Variants in CD2AP observed in about 807,000 individuals in gnomAD.
CD2AP encodes the protein CD2-associated protein.
A neutral mutation model predicts 85.1 loss-of-function variants in CD2AP; 46 were observed. The observed-to-expected ratio is 0.54, with a 90% CI of 0.43 to 0.69. CD2AP has a LOEUF of 0.69. Ranked by LOEUF, CD2AP falls within the 30% of genes least tolerant of loss-of-function variation. CD2AP has a pLI of 0.00. For missense variants in CD2AP, 769 were observed against 729.5 expected (o/e 1.05, Z -0.62); for synonymous variants, 255 against 252.9 (o/e 1.01, Z -0.08).
chr6:47,614,672 G>T (rs1769534131), intron 17 of CD2AP, among the ~76,000 whole-genome samples: 1 of 152,152 alleles, frequency 6.6e-6, no homozygotes, highest in Admixed American at 6.6e-5. Flanking sequence ...TTGGAAAAAT[G>T]GCATCAATAG....
Position 47,533,684 on chromosome 6 carries a change from A to G in CD2AP, c.248A>G (p.Gln83Arg), listed in dbSNP as rs1487716938. The G allele has an allele frequency of 6.2e-7, 1 of 1,614,178 alleles. No homozygotes were observed. Among genetic ancestry groups the G allele is most frequent in the African/African-American group, 1.3e-5 (1 of 75,062 alleles). The change falls in exon 3 of 18, where the codon CAA (glutamine) becomes CGA (arginine). Residue 83 changes from glutamine (Q) to arginine (R), a missense_variant. Physicochemically the swap from Gln to Arg is conservative, Grantham distance 43. Transcript: ENST00000359314. The stretch of plus-strand genomic sequence containing the variant: ...CATGGGAATGTAGCAAGTCTTGTAC[A>G]ACGAATAAGCACCTATGGACTTCCA... ...ERHGNVASLVQRISTYGLPAG... is the reference protein window; with the variant it reads ...ERHGNVASLVRRISTYGLPAG...
chr6:47,480,428 A>G (rs1252198512), intron 1 of CD2AP, among the ~76,000 whole-genome samples: 1 of 152,176 alleles, frequency 6.6e-6, no homozygotes, highest in East Asian at 1.9e-4. Context: ...TGTGTGTAAG[A>G]TAATTTGGAT....
chr6:47,570,804 C>T (rs1180540100), intron 5 of CD2AP, among the ~76,000 whole-genome samples: 2 of 152,204 alleles, frequency 1.3e-5, no homozygotes, highest in African/African-American at 4.8e-5. Context: ...CAAGAAAATT[C>T]GACCCTAGAG....
At chr6:47,521,105 A>G (rs534646640) in intron 2 of CD2AP, among the ~76,000 whole-genome samples, 1 of 152,256 alleles carries the variant, frequency 6.6e-6, no homozygotes, top group East Asian at 1.9e-4. Context: ...TTTAGCAGGA[A>G]GAATAGGGAA....
In CD2AP at chr6:47,478,074, G is replaced by C; in HGVS notation, c.-171G>C. ...CTCGAGGGCCGCGCTGAAGAGACTG[G>C]TAGGAGAGCGCCGCGGGCGGATGGA... is the stretch of plus-strand genomic sequence containing the variant. On this transcript the variant is annotated 5_prime_UTR_variant, in exon 1 of 18. Transcript: ENST00000359314. 2.4e-6 allele frequency: 2 copies of C among 827,760 alleles called. No homozygotes were observed. The highest frequency in any genetic ancestry group is 3.9e-6 in the Non-Finnish European group (2 of 510,436). The allele number at this position is 827,760 out of a possible 1,614,324, so 51.3% of individuals were successfully genotyped here. A position where few individuals can be genotyped will look rare whatever the true frequency, so the allele number is the denominator to read the frequency against.
At chr6:47,607,772 C>G in intron 14 of CD2AP, 155 bp from the exon 15 acceptor site, 1 of 574,878 alleles carries the variant, frequency 1.7e-6, no homozygotes, top group East Asian at 2.9e-5. Context: ...TGTTATTCAG[C>G]TTGAAAGTAT....
chr6:47,525,790 A>G lies in CD2AP; in HGVS notation c.166-7812A>G, dbSNP rs543672442. 2.9e-4 allele frequency among the ~76,000 whole-genome samples: 44 copies of G among 152,260 alleles called. No homozygotes were observed. In the South Asian group the frequency reaches 8.5e-3, roughly 29 times the overall value. On this transcript the variant is annotated intron_variant, in intron 2 of 17. Coordinates refer to ENST00000359314, the MANE Select transcript of CD2AP (RefSeq NM_012120.3). Reference sequence around the variant, plus strand: ...TACTCTTTATCTATAAGCAAAACCAATCAGTATAGCACATTCTTATCTATA... The same window carrying G: ...TACTCTTTATCTATAAGCAAAACCAGTCAGTATAGCACATTCTTATCTATA...
Position 47,599,399 on chromosome 6 carries a change from C to T in CD2AP, c.1373C>T (p.Ser458Leu). 4 of 1,612,232 alleles carry T rather than the reference C, an allele frequency of 2.5e-6. No individual in the cohort carries two copies. The highest frequency in any genetic ancestry group is 3.4e-6 in the Non-Finnish European group (4 of 1,178,972). The change falls in exon 13 of 18, where the codon TCA becomes TTA. Residue 458 changes from serine to leucine, a missense_variant. Coordinates refer to ENST00000359314, the MANE Select transcript of CD2AP (RefSeq NM_012120.3). Reference sequence around the variant, plus strand: ...GAACAGCTGCCCCTTAGACCAAAATCAGTAGACTTTGATTCACTTACAGTA... The same window carrying T: ...GAACAGCTGCCCCTTAGACCAAAATTAGTAGACTTTGATTCACTTACAGTA... ...DSEQLPLRPK[S>L]VDFDSLTVRT... is the part of the protein sequence containing the mutation.
Position 47,609,097 on chromosome 6 carries a change from C to G in CD2AP, c.1633-26C>G, listed in dbSNP as rs186702189. ...ACGTAAATATAATATTAAATAAAAT[C>G]AGAAATTTTTTTTTTACGTTTTCAG... On this transcript the variant is annotated intron_variant, in intron 15 of 17. Transcript: ENST00000359314. The G allele has an allele frequency of 1.2e-4, 185 of 1,541,932 alleles. No homozygotes were observed. In the African/African-American group the frequency reaches 2.2e-3, roughly 18 times the overall value.
rs1279586217 is a variant in CD2AP at position 47,526,182 on chromosome 6, G to A, written c.166-7420G>A. On this transcript the variant is annotated intron_variant, in intron 2 of 17. Coordinates refer to ENST00000359314, the MANE Select transcript of CD2AP (RefSeq NM_012120.3). ...ATAAAATTTGCTATTGAAATTGATA[G>A]CCAAAGAGTAGTCTGGTAGAGGCAC... Among the ~76,000 whole-genome samples, 4 of 152,242 alleles carry A rather than the reference G, an allele frequency of 2.6e-5. No individual in the cohort carries two copies. The South Asian group carries it at 8.3e-4, about 32-fold the overall frequency.
intron 1 of CD2AP, among the ~76,000 whole-genome samples, chr6:47,488,546 A>G (rs1765625933): frequency 6.6e-6 from 1 of 152,134 alleles, no homozygotes. Flanking sequence ...TTTCTTATAT[A>G]TGAAAGAAAT....
chr6:47,532,376 TACACACACAC>T (rs10522555), intron 2 of CD2AP, among the ~76,000 whole-genome samples: 14,106 of 141,846 alleles, frequency 0.099, 746 homozygotes, highest in Non-Finnish European at 0.11. Flanking sequence ...TATATATGTA[TACACACACAC>T]ACACACACAC....
In CD2AP at chr6:47,573,993, G is replaced by A; in HGVS notation, c.542-71G>A. ...TTTATTAGAAGGCATATAGAATGTA[G>A]ACATTATGACAGGATGTCAAGCGTT... On this transcript the variant is annotated intron_variant, in intron 5 of 17. Transcript: ENST00000359314. The A allele has an allele frequency of 1.3e-5, 17 of 1,283,718 alleles. No homozygotes were observed. The South Asian group carries it at 2.0e-4, about 15-fold the overall frequency. The allele number at this position is 1,283,718 out of a possible 1,614,324, so 79.5% of individuals were successfully genotyped here.
chr6:47,508,027 C>T (rs1298245269), intron 2 of CD2AP, among the ~76,000 whole-genome samples: 1 of 152,176 alleles, frequency 6.6e-6, no homozygotes, highest in East Asian at 1.9e-4. Flanking sequence ...AGAGCATAGG[C>T]AGAATAGTTT....
chr6:47,536,256 T>A (rs186538461), intron 3 of CD2AP, among the ~76,000 whole-genome samples: 1 of 152,140 alleles, frequency 6.6e-6, no homozygotes, highest in Admixed American at 6.5e-5. Flanking sequence ...GTTTGGATCA[T>A]ATCTCTAATT....
intron 5 of CD2AP, among the ~76,000 whole-genome samples, chr6:47,555,158 T>C (rs1767645859): frequency 6.6e-6 from 1 of 152,210 alleles, no homozygotes; most frequent in South Asian, 2.1e-4. Flanking sequence ...ATTTTCTGTA[T>C]TCACATAATA....
chr6:47,556,072 A>G (rs1242408882), intron 5 of CD2AP, among the ~76,000 whole-genome samples: 1 of 134,580 alleles, frequency 7.4e-6, no homozygotes, highest in Admixed American at 7.6e-5. Context: ...TTTTTTTTTT[A>G]ATTATACTTT....
chr6:47,519,625 G>A (rs1363345800), intron 2 of CD2AP, among the ~76,000 whole-genome samples: 1 of 152,190 alleles, frequency 6.6e-6, no homozygotes, highest in Non-Finnish European at 1.5e-5. Flanking sequence ...ATTAGATTTT[G>A]TGTGTCTATT....
intron 4 of CD2AP, chr6:47,544,939 T>A (rs984318301): frequency 3.7e-5 from 15 of 407,162 alleles, no homozygotes; most frequent in Non-Finnish European, 6.1e-5. Context: ...TCTAAGTAGT[T>A]AAGAACGTAA....
Sources: allele counts gnomAD v4.1 joint callset (sites outside exome capture counted in the v4.1 genomes callset), GRCh38; gene constraint gnomAD v4.1.1; transcripts MANE v1.5; gene names NCBI Gene and HGNC (gene_info 2026-07-23, HGNC 2026-07-21).